Variants in UNC5A observed in about 807,000 individuals in gnomAD.
The protein encoded by UNC5A is netrin receptor UNC5A.
Under a neutral mutation model 87.4 loss-of-function variants are expected in UNC5A, and 20 were observed. That is an observed-to-expected ratio of 0.23 (90% CI 0.16 to 0.33). The LOEUF is 0.33. UNC5A is among the 10% of genes least tolerant of loss of function. The pLI is 1.00. For missense variants in UNC5A, 844 were observed against 1,133.4 expected (o/e 0.74, Z 3.67); for synonymous variants, 438 against 482.3 (o/e 0.91, Z 1.20).
intron 2 of UNC5A, among the ~76,000 whole-genome samples, chr5:176,863,642 T>C (rs1295858843): frequency 6.6e-6 from 1 of 151,634 alleles, no homozygotes; most frequent in African/African-American, 2.4e-5. Context: ...CAGACAGCCC[T>C]TGTCTGGGTT....
chr5:176,855,708 C>T (rs551087797), intron 1 of UNC5A, among the ~76,000 whole-genome samples: 2 of 152,326 alleles, frequency 1.3e-5, no homozygotes, highest in African/African-American at 4.8e-5. Context: ...TCCCCATGCC[C>T]GGACATCCGA....
intron 11 of UNC5A, 26 bp downstream of exon 11, chr5:176,878,153 C>T (rs766852324): frequency 2.1e-5 from 34 of 1,604,052 alleles, no homozygotes; most frequent in South Asian, 1.6e-4. Context: ...CACCCCCCGC[C>T]GCTGGGAGGC....
In UNC5A at chr5:176,841,542, G is replaced by A. The variant is rs1757277125; in HGVS notation, c.71-21082G>A. ...TGTCACCTGTAAAATGAGAATCTTG[G>A]TAGCACCTAATTCGTAACGTTGCTG... On this transcript the variant is annotated intron_variant, in intron 1 of 14. Transcript: ENST00000329542. This position sits in a 1 kb window ranked among gnomAD's most constrained non-coding sequence, Gnocchi z 4.1. Among the ~76,000 whole-genome samples, 1 of 152,222 alleles carries A rather than the reference G, an allele frequency of 6.6e-6. No individual in the cohort carries two copies. Among genetic ancestry groups the A allele is most frequent in the South Asian group, 2.1e-4 (1 of 4,836 alleles).
At chr5:176,847,010 G>A (rs1375302750) in intron 1 of UNC5A, among the ~76,000 whole-genome samples, 2 of 152,112 alleles carry the variant, frequency 1.3e-5, no homozygotes, top group African/African-American at 2.4e-5. Context: ...GAGCGCCCCC[G>A]TCAAGCCTAG....
chr5:176,821,757 C>T (rs1246266439), intron 1 of UNC5A, among the ~76,000 whole-genome samples: 1 of 152,238 alleles, frequency 6.6e-6, no homozygotes, highest in Non-Finnish European at 1.5e-5. Context: ...ACCAAGGTCA[C>T]TCCCAGCCCC....
chr5:176,876,738 G>C (rs532468092), intron 8 of UNC5A, among the ~76,000 whole-genome samples: 1 of 152,330 alleles, frequency 6.6e-6, no homozygotes, highest in Admixed American at 6.5e-5. Context: ...GGGGGCTCAG[G>C]CAGTGGTTCC....
At position 176,839,601 on chromosome 5, in the gene UNC5A, G is replaced by T. The variant is rs114777687; in HGVS notation, c.71-23023G>T. Among the ~76,000 whole-genome samples, 576 of 152,304 alleles carry T rather than the reference G, an allele frequency of 3.8e-3. 2 individuals are homozygous for T. The highest frequency in any genetic ancestry group is 0.013 in the African/African-American group (545 of 41,572). On this transcript the variant is annotated intron_variant, in intron 1 of 14. Coordinates refer to ENST00000329542, the MANE Select transcript of UNC5A (RefSeq NM_133369.3). Reference sequence around the variant, plus strand: ...TCCTAGTAAAGGGTTGGACTTCCCTGGTTTGTGGGTAAGATCCTTGCCCCT... The same window carrying T: ...TCCTAGTAAAGGGTTGGACTTCCCTTGTTTGTGGGTAAGATCCTTGCCCCT...
intron 1 of UNC5A, among the ~76,000 whole-genome samples, chr5:176,845,327 C>G (rs768634622): frequency 6.6e-6 from 1 of 152,246 alleles, no homozygotes; most frequent in African/African-American, 2.4e-5. Flanking sequence ...TGTCCTGGCA[C>G]GGATCCAAAG....
At chr5:176,817,515 C>T (rs1048834862) in intron 1 of UNC5A, among the ~76,000 whole-genome samples, 2 of 152,166 alleles carry the variant, frequency 1.3e-5, no homozygotes, top group African/African-American at 2.4e-5. Flanking sequence ...CCCAGTGGAG[C>T]CGAGGGGCCA....
chr5:176,859,361 G>A (rs811313), intron 1 of UNC5A, among the ~76,000 whole-genome samples: 44 of 76,932 alleles, frequency 5.7e-4, no homozygotes, highest in African/African-American at 2.0e-3. Context: ...TAGAGGGCAT[G>A]GCTGCTAGAA....
chr5:176,813,896 G>A lies in UNC5A; in HGVS notation c.70+3076G>A, dbSNP rs1032272144. On this transcript the variant is annotated intron_variant, in intron 1 of 14. Transcript: ENST00000329542. The stretch of plus-strand genomic sequence containing the variant: ...TCTGTGTGTCCACGCATATGCATGC[G>A]GGGCCTCCTGTTCTAGGCCACCCCT... Among the ~76,000 whole-genome samples, 11 of 152,142 alleles carry A rather than the reference G, an allele frequency of 7.2e-5. No homozygotes were observed. In the South Asian group the frequency reaches 8.3e-4, roughly 11 times the overall value.
rs1334562157 is a variant in UNC5A at position 176,810,895 on chromosome 5, C to T, written c.70+75C>T. 3 of 1,169,040 alleles carry T rather than the reference C, an allele frequency of 2.6e-6. No individual in the cohort carries two copies. Among genetic ancestry groups the T allele is most frequent in the Non-Finnish European group, 3.2e-6 (3 of 943,924 alleles). 72.4% of individuals were successfully genotyped at this position (1,169,040 alleles called of 1,614,324 possible). On this transcript the variant is annotated intron_variant, in intron 1 of 14. Transcript: ENST00000329542. The surrounding 1 kb of genome is among the most constrained non-coding windows in gnomAD (Gnocchi z 7.3). Reference sequence around the variant, plus strand: ...GCGAACGCTCGCTGCTCTGGGGGTCCCTGACCAGCGCTGCCAGACCCGGCT... The same window carrying T: ...GCGAACGCTCGCTGCTCTGGGGGTCTCTGACCAGCGCTGCCAGACCCGGCT...
chr5:176,836,362 G>T (rs559282306), intron 1 of UNC5A, among the ~76,000 whole-genome samples: 7 of 152,338 alleles, frequency 4.6e-5, no homozygotes, highest in Admixed American at 1.3e-4. Flanking sequence ...AGATGGGGCA[G>T]AACTGGATTG....
Position 176,874,388 on chromosome 5 carries a change from C to A in UNC5A, c.1200C>A (p.Leu400=). 1 of 1,613,750 alleles carries A rather than the reference C, an allele frequency of 6.2e-7. No homozygotes were observed. Among genetic ancestry groups the A allele is most frequent in the Non-Finnish European group, 8.5e-7 (1 of 1,179,956 alleles). The change falls in exon 8 of 15, where the codon CTC becomes CTA. Residue 400 remains leucine, a synonymous_variant. Coordinates refer to ENST00000329542, the MANE Select transcript of UNC5A (RefSeq NM_133369.3). This position sits in a 1 kb window ranked among gnomAD's most constrained non-coding sequence, Gnocchi z 7.6. ...PKFQLTNGHL[L]SPLGGGRHTL... is the part of the protein sequence containing the mutation. ...TCCAGCTCACCAATGGGCACCTGCTCAGCCCCCTGGGTGGCGGCCGCCACA... is the reference window on the plus strand; with the variant it reads ...TCCAGCTCACCAATGGGCACCTGCTAAGCCCCCTGGGTGGCGGCCGCCACA...
chr5:176,830,925 GGT>G (rs1367019415), intron 1 of UNC5A, among the ~76,000 whole-genome samples: 20 of 119,052 alleles, frequency 1.7e-4, no homozygotes, highest in African/African-American at 5.3e-4. Flanking sequence ...CGTGTGTGTG[GGT>G]GTGTGTGTGC....
rs767912778 is a variant in UNC5A at position 176,865,631 on chromosome 5, G to A, written c.293-2499G>A. The A allele has an allele frequency of 2.2e-6, 1 of 456,774 alleles. No individual in the cohort carries two copies. Among genetic ancestry groups the A allele is most frequent in the Admixed American group, 2.3e-5 (1 of 42,594 alleles). 28.3% of individuals were successfully genotyped at this position (456,774 alleles called of 1,614,324 possible). On this transcript the variant is annotated intron_variant, in intron 2 of 14. Coordinates refer to ENST00000329542, the MANE Select transcript of UNC5A (RefSeq NM_133369.3). The surrounding 1 kb of genome is among the most constrained non-coding windows in gnomAD (Gnocchi z 5.3). The stretch of plus-strand genomic sequence containing the variant: ...CGAGTGCTTTGAGGTGAAGAAAAAG[G>A]CTTTCCTTACCCACGGCAGATACCA...
rs935563824 is a variant in UNC5A, at chr5:176,841,963, C to T, written c.71-20661C>T. On this transcript the variant is annotated intron_variant, in intron 1 of 14. Coordinates refer to ENST00000329542, the MANE Select transcript of UNC5A (RefSeq NM_133369.3). The surrounding 1 kb of genome is among the most constrained non-coding windows in gnomAD (Gnocchi z 4.1). ...CGGTAATCCCAGCACTTTGGGAGGC[C>T]GAGGTGGGCGGATCACGAGGTCAGG... Among the ~76,000 whole-genome samples, 2 of 152,178 alleles carry T rather than the reference C, an allele frequency of 1.3e-5. No individual in the cohort carries two copies. Among genetic ancestry groups the T allele is most frequent in the East Asian group, 1.9e-4 (1 of 5,176 alleles).
At chr5:176,818,864 C>T (rs1481422265) in intron 1 of UNC5A, among the ~76,000 whole-genome samples, 1 of 152,218 alleles carries the variant, frequency 6.6e-6, no homozygotes, top group Non-Finnish European at 1.5e-5. Flanking sequence ...CTGAGAATGG[C>T]TGTCCAGGCC....
At position 176,880,717 on chromosome 5, in the gene UNC5A, G is replaced by A. The variant is rs933700132; in HGVS notation, c.*831G>A. On this transcript the variant is annotated 3_prime_UTR_variant, in exon 15 of 15. Transcript: ENST00000329542. Reference sequence around the variant, plus strand: ...AGTGTGTGTGTGGCGTGGCGTGCCCGTCCCCAGGGCTGGCTGGTGCCCCAC... The same window carrying A: ...AGTGTGTGTGTGGCGTGGCGTGCCCATCCCCAGGGCTGGCTGGTGCCCCAC... 3.1e-5 allele frequency: 6 copies of A among 192,504 alleles called. No homozygotes were observed. The highest frequency in any genetic ancestry group is 1.2e-4 in the South Asian group (1 of 8,418). The allele number at this position is 192,504 out of a possible 1,614,324, so 11.9% of individuals were successfully genotyped here. A position where few individuals can be genotyped will look rare whatever the true frequency, so the allele number is the denominator to read the frequency against.
Sources: allele counts gnomAD v4.1 joint callset (sites outside exome capture counted in the v4.1 genomes callset), GRCh38; gene constraint gnomAD v4.1.1; non-coding constraint Gnocchi (gnomAD v3.1); transcripts MANE v1.5; gene names NCBI Gene and HGNC (gene_info 2026-07-23, HGNC 2026-07-21).